PACRG: variants seen among roughly 807,000 people sequenced by gnomAD.
The protein encoded by PACRG is parkin coregulated gene protein.
A neutral mutation model predicts 29.7 loss-of-function variants in PACRG; 29 were observed. The ratio of observed to expected loss-of-function variants is 0.98; its 90% CI spans 0.73 to 1.33. The LOEUF is 1.33. PACRG is among the 40% of genes most tolerant of loss of function. The pLI is 0.00. For missense variants in PACRG, 279 were observed against 316.2 expected (o/e 0.88, Z 0.89); for synonymous variants, 116 against 118.7 (o/e 0.98, Z 0.15).
intron 4 of PACRG, among the ~76,000 whole-genome samples, chr6:163,143,928 A>T (rs926507173): frequency 2.6e-5 from 4 of 152,174 alleles, no homozygotes; most frequent in African/African-American, 9.7e-5. Context: ...ATAATTGCGT[A>T]ATCTTTTCTG....
intron 4 of PACRG, among the ~76,000 whole-genome samples, chr6:163,175,337 G>A (rs1025089848): frequency 2.0e-5 from 3 of 152,158 alleles, no homozygotes; most frequent in Non-Finnish European, 4.4e-5. Context: ...AGAGACTTCT[G>A]TTGAAGCTTT....
chr6:162,740,842 G>A (rs899105682), intron 1 of PACRG, among the ~76,000 whole-genome samples: 7 of 151,394 alleles, frequency 4.6e-5, no homozygotes, highest in African/African-American at 1.5e-4. Flanking sequence ...CTCATGATCT[G>A]CCCTCCTCAG....
At chr6:162,801,900 C>A (rs976458344) in intron 1 of PACRG, among the ~76,000 whole-genome samples, 1 of 152,034 alleles carries the variant, frequency 6.6e-6, no homozygotes, top group African/African-American at 2.4e-5. Flanking sequence ...CAGGGAATAG[C>A]AAACATAATT....
At chr6:163,186,317 C>T (rs1327649434) in intron 4 of PACRG, among the ~76,000 whole-genome samples, 1 of 152,158 alleles carries the variant, frequency 6.6e-6, no homozygotes, top group Non-Finnish European at 1.5e-5. Flanking sequence ...TTCTCATTGT[C>T]TCCACTCTCA....
intron 4 of PACRG, among the ~76,000 whole-genome samples, chr6:163,099,163 C>G (rs78594141): frequency 0.014 from 2,143 of 152,258 alleles, 21 homozygotes; most frequent in Non-Finnish European, 0.024. Flanking sequence ...TACCTTGTCA[C>G]CCCTCCACCC....
Position 162,747,325 on chromosome 6 carries a change from CATATATATATATATAT to C in PACRG, c.156+18958_156+18973del, listed in dbSNP as rs1190146053. Among the ~76,000 whole-genome samples the C allele has an allele frequency of 1.5e-4, 5 of 33,230 alleles. 1 individual carries two copies. The highest frequency in any genetic ancestry group is 2.0e-4 in the African/African-American group (2 of 10,174). The allele number at this position is 33,230 out of a possible 152,430, so 21.8% of individuals were successfully genotyped here. ...GGAACTCAGACTGGCTCTCCTTGCT[CATATATATATATATAT>C]ATATATATATATATATATATATACA... On this transcript the variant is annotated intron_variant, in intron 1 of 4. Transcript: ENST00000366888.
At chr6:162,977,443 G>A (rs933677979) in intron 2 of PACRG, among the ~76,000 whole-genome samples, 24 of 150,404 alleles carry the variant, frequency 1.6e-4, no homozygotes, top group African/African-American at 1.7e-4. Context: ...AGCAACGGCT[G>A]TATTGATATT....
intron 2 of PACRG, among the ~76,000 whole-genome samples, chr6:162,988,619 G>C (rs901206129): frequency 6.6e-6 from 1 of 152,144 alleles, no homozygotes; most frequent in Non-Finnish European, 1.5e-5. Context: ...AATGTTCATA[G>C]ACTTTAATGA....
At chr6:163,230,496 T>C (rs1262807902) in intron 4 of PACRG, among the ~76,000 whole-genome samples, 1 of 152,182 alleles carries the variant, frequency 6.6e-6, no homozygotes, top group Non-Finnish European at 1.5e-5. Context: ...ATAAACTAGT[T>C]ATCTGGAAAG....
intron 4 of PACRG, among the ~76,000 whole-genome samples, chr6:163,235,532 C>T (rs773871564): frequency 7.9e-5 from 12 of 152,144 alleles, no homozygotes; most frequent in Non-Finnish European, 1.5e-4. Flanking sequence ...AGGTCCTTCT[C>T]CTTGGAGAAG....
intron 2 of PACRG, among the ~76,000 whole-genome samples, chr6:162,828,918 A>C (rs959386944): frequency 6.6e-6 from 1 of 152,222 alleles, no homozygotes; most frequent in Non-Finnish European, 1.5e-5. Flanking sequence ...TGAATTAACA[A>C]ATTATATTTT....
chr6:163,076,241 A>G (rs1467117327), intron 3 of PACRG, among the ~76,000 whole-genome samples: 2 of 152,148 alleles, frequency 1.3e-5, no homozygotes, highest in African/African-American at 4.8e-5. Flanking sequence ...CAGTTTTTTC[A>G]TCTTGCAGCT....
At chr6:163,250,883 G>GTATATATATATATATATATATATATA (rs368878258) in intron 4 of PACRG, among the ~76,000 whole-genome samples, 7 of 138,096 alleles carry the variant, frequency 5.1e-5, no homozygotes, top group African/African-American at 1.9e-4. Context: ...AGAAATTGTT[G>GTATATATATATATATATATATATATA]TATATATATA....
chr6:162,940,832 T>C (rs1484491230), intron 2 of PACRG, among the ~76,000 whole-genome samples: 1 of 152,208 alleles, frequency 6.6e-6, no homozygotes, highest in Admixed American at 6.5e-5. Context: ...GGGTCATTAC[T>C]GTACATTCGT....
chr6:162,901,423 T>C (rs1028875411), intron 2 of PACRG, among the ~76,000 whole-genome samples: 1 of 152,208 alleles, frequency 6.6e-6, no homozygotes, highest in African/African-American at 2.4e-5. Context: ...TCAATCCTGA[T>C]TGTCTCTTAG....
chr6:162,901,623 G>A (rs1002904442), intron 2 of PACRG, among the ~76,000 whole-genome samples: 5 of 152,156 alleles, frequency 3.3e-5, no homozygotes, highest in African/African-American at 7.2e-5. Context: ...CAAAAACAAC[G>A]TATTCAAATC....
At chr6:162,734,310 G>A (rs993188008) in intron 1 of PACRG, among the ~76,000 whole-genome samples, 4 of 151,968 alleles carry the variant, frequency 2.6e-5, no homozygotes, top group Non-Finnish European at 4.4e-5. Flanking sequence ...TTTTTTCCTG[G>A]ATTCTGTTTT....
chr6:162,970,332 C>G (rs73783943), intron 2 of PACRG, among the ~76,000 whole-genome samples: 1 of 151,988 alleles, frequency 6.6e-6, no homozygotes, highest in Non-Finnish European at 1.5e-5. Flanking sequence ...GTCTGGGGAG[C>G]GCATCGATTT....
At chr6:162,807,636 A>G (rs1379200399) in intron 1 of PACRG, among the ~76,000 whole-genome samples, 1 of 152,162 alleles carries the variant, frequency 6.6e-6, no homozygotes, top group Non-Finnish European at 1.5e-5. Context: ...CCCCAAAATC[A>G]CAATAGTAAC....
Sources: gnomAD v4.1 joint callset for allele counts (sites outside exome capture counted in the v4.1 genomes callset) on GRCh38, gnomAD v4.1.1 for gene constraint, MANE v1.5 for transcripts, NCBI Gene and HGNC (gene_info 2026-07-23, HGNC 2026-07-21) for gene names.